APOL3: variants seen among roughly 807,000 people sequenced by gnomAD.
APOL3 encodes the protein apolipoprotein L3.
APOL3 carries 14 observed loss-of-function variants against 11.6 expected under a neutral mutation model. That is an observed-to-expected ratio of 1.21 (90% CI 0.80 to 1.89). The LOEUF is 1.89. APOL3 is among the 40% of genes most tolerant of loss of function. The probability of loss-of-function intolerance (pLI) is 0.00; values close to 1 mark genes in which losing one functional copy is unlikely to be tolerated. For synonymous variants in APOL3, 192 were observed against 190.6 expected (o/e 1.01, Z -0.06); for missense variants, 483 against 492.1 (o/e 0.98, Z 0.17).
exon 1 of APOL3, chr22:36,166,041 A>G (rs1333033848): frequency 6.6e-6 from 1 of 152,190 alleles, no homozygotes; most frequent in Non-Finnish European, 1.5e-5. Flanking sequence ...AAGAAAGAGA[A>G]AGTAAGGCAC....
chr22:36,141,067 C>T, exon 3 of APOL3: 4 of 1,380,296 alleles, frequency 2.9e-6, no homozygotes, highest in Non-Finnish European at 3.9e-6. Context: ...TGCTCAGCTA[C>T]AGAAATGCCA....
intron 1 of APOL3, among the ~76,000 whole-genome samples, chr22:36,145,964 C>CTCCCTG (rs2060188326): frequency 7.5e-6 from 1 of 133,326 alleles, no homozygotes; most frequent in East Asian, 3.6e-4. Context: ...TTCCAGCCCT[C>CTCCCTG]TCTCCCTGTC....
intron 2 of APOL3, among the ~76,000 whole-genome samples, chr22:36,144,650 C>T (rs974820649): frequency 1.3e-5 from 2 of 152,162 alleles, no homozygotes; most frequent in African/African-American, 4.8e-5. Context: ...TCCAGGAACA[C>T]ACATTGATCA....
intron 1 of APOL3, among the ~76,000 whole-genome samples, chr22:36,158,584 C>T (rs938515573): frequency 6.6e-6 from 1 of 152,108 alleles, no homozygotes; most frequent in African/African-American, 2.4e-5. Context: ...CTTTGGGTGG[C>T]GGAGGTGGGT....
chr22:36,141,470 T>A (rs1456442095), exon 3 of APOL3: 1 of 1,614,198 alleles, frequency 6.2e-7, no homozygotes, highest in Admixed American at 1.7e-5. Context: ...CAGCTGAGAT[T>A]CGCCAGGTGG....
At chr22:36,148,923 G>C (rs566827415) in intron 1 of APOL3, 123 bp downstream of exon 2, 1 of 968,824 alleles carries the variant, frequency 1.0e-6, no homozygotes, top group Admixed American at 1.9e-5. Flanking sequence ...TGGGGCTCAG[G>C]GAAGACTCAT....
chr22:36,141,898 G>A (rs1229739274), exon 3 of APOL3: 6 of 1,614,228 alleles, frequency 3.7e-6, no homozygotes, highest in East Asian at 2.2e-5. Flanking sequence ...GCAAGGGCAC[G>A]AAGCTTTTCT....
chr22:36,153,109 C>G (rs1190003691), intron 1 of APOL3, among the ~76,000 whole-genome samples: 1 of 150,580 alleles, frequency 6.6e-6, no homozygotes, highest in African/African-American at 2.5e-5. Flanking sequence ...GAAATTCTGT[C>G]TCAGAAAATA....
exon 3 of APOL3, chr22:36,141,081 T>C: frequency 2.8e-6 from 4 of 1,452,644 alleles, no homozygotes; most frequent in Non-Finnish European, 3.7e-6. Context: ...AATGCCAAAG[T>C]CACTAACACT....
upstream of APOL3, chr22:36,165,880 T>C (rs1362281702): frequency 6.6e-6 from 1 of 152,198 alleles, no homozygotes; most frequent in Non-Finnish European, 1.5e-5. Flanking sequence ...GGTAGTTAAA[T>C]AGACATTAGC....
upstream of APOL3, among the ~76,000 whole-genome samples, chr22:36,162,910 G>A (rs1009774574): frequency 1.3e-5 from 2 of 152,174 alleles, no homozygotes; most frequent in Non-Finnish European, 2.9e-5. Flanking sequence ...GCTTCCTTTC[G>A]CTTTGGGTCA....
upstream of APOL3, among the ~76,000 whole-genome samples, chr22:36,163,426 C>T (rs1251301882): frequency 1.3e-5 from 2 of 152,246 alleles, no homozygotes; most frequent in African/African-American, 4.8e-5. Flanking sequence ...CCCGAGGCCC[C>T]CTCCCTGCCA....
exon 3 of APOL3, chr22:36,141,872 C>T (rs767073311): frequency 6.2e-5 from 100 of 1,614,122 alleles, no homozygotes; most frequent in Non-Finnish European, 8.1e-5. Context: ...CTCTGTGGAC[C>T]TCTTCAATAC....
exon 3 of APOL3, chr22:36,141,331 A>G: frequency 1.2e-6 from 2 of 1,613,932 alleles, no homozygotes. Flanking sequence ...AAGTGCTTTG[A>G]CTCGTATACA....
At chr22:36,152,008 G>A (rs553060027) in intron 1 of APOL3, among the ~76,000 whole-genome samples, 65 of 151,908 alleles carry the variant, frequency 4.3e-4, no homozygotes, top group African/African-American at 1.2e-3. Context: ...GTGTGTGCAC[G>A]CACACTCATG....
At chr22:36,149,369 G>T in intron 1 of APOL3, 2 of 1,306,364 alleles carry the variant, frequency 1.5e-6, no homozygotes, top group South Asian at 2.4e-5. Flanking sequence ...GGGTCCTTTT[G>T]TCCTGTAGGG....
At chr22:36,143,129 C>T (rs539655360) in intron 2 of APOL3, among the ~76,000 whole-genome samples, 65 of 101,276 alleles carry the variant, frequency 6.4e-4, no homozygotes, top group African/African-American at 1.8e-3. Flanking sequence ...GTCTCCCTCC[C>T]CTGTAACACA....
In APOL3 at chr22:36,154,781, C is replaced by T. The variant is rs937723464; in HGVS notation, c.223+5888G>A. 3.9e-5 allele frequency among the ~76,000 whole-genome samples: 6 copies of T among 152,138 alleles called. No individual in the cohort carries two copies. The East Asian group carries it at 9.6e-4, about 24-fold the overall frequency. On this transcript the variant is annotated intron_variant, in intron 1 of 2. Transcript: ENST00000349314. ...TCCACCCACAAAATACCAAACACTC[C>T]CTCTCCTGGCTAAATAGAATGCCTG...
At chr22:36,141,691 C>T (rs199785270) in exon 3 of APOL3, 12 of 1,614,064 alleles carry the variant, frequency 7.4e-6, no homozygotes, top group Middle Eastern at 3.3e-4. Context: ...GAGTGCTCCA[C>T]GATGCTGGTG....
Sources: allele counts gnomAD v4.1 joint callset (sites outside exome capture counted in the v4.1 genomes callset), GRCh38; gene constraint gnomAD v4.1.1; transcripts MANE v1.5; gene names NCBI Gene and HGNC (gene_info 2026-07-23, HGNC 2026-07-21).